Variants in SUMF1 observed in about 807,000 individuals in gnomAD.
SUMF1 encodes the protein sulfatase modifying factor 1.
In SUMF1, 48 loss-of-function variants were observed where a neutral mutation model predicts 47.6. That is an observed-to-expected ratio of 1.01 (90% CI 0.80 to 1.28). The LOEUF is 1.28. SUMF1 is among the 50% of genes most tolerant of loss of function. SUMF1 has a pLI of 0.00. For missense variants in SUMF1, 571 were observed against 485.4 expected (o/e 1.18, Z -1.66); for synonymous variants, 230 against 192.1 (o/e 1.20, Z -1.63).
At chr3:4,099,075 G>A (rs1692971933) in intron 8 of SUMF1, among the ~76,000 whole-genome samples, 1 of 152,062 alleles carries the variant, frequency 6.6e-6, no homozygotes, top group South Asian at 2.1e-4. Flanking sequence ...TTATGAGATG[G>A]CATAAAAAGA....
chr3:4,269,772 A>C (rs1450179517), intron 8 of SUMF1, among the ~76,000 whole-genome samples: 1 of 152,166 alleles, frequency 6.6e-6, no homozygotes, highest in Non-Finnish European at 1.5e-5. Flanking sequence ...TTCAACTACT[A>C]ATGCACAAAA....
downstream of SUMF1, among the ~76,000 whole-genome samples, chr3:4,360,200 TTGTTC>T (rs1211108097): frequency 9.2e-4 from 128 of 139,082 alleles, 1 homozygote; most frequent in African/African-American, 3.5e-3. Flanking sequence ...CTACCAATGT[TTGTTC>T]TTTTTTTTTT....
intron 8 of SUMF1, among the ~76,000 whole-genome samples, chr3:4,213,115 T>C (rs1695836122): frequency 6.6e-6 from 1 of 152,034 alleles, no homozygotes; most frequent in Middle Eastern, 3.2e-3. Flanking sequence ...AATCATCAGA[T>C]TCACCAAGGT....
chr3:4,333,805 G>C (rs1369215996), intron 8 of SUMF1, among the ~76,000 whole-genome samples: 1 of 149,146 alleles, frequency 6.7e-6, no homozygotes, highest in Non-Finnish European at 1.5e-5. Flanking sequence ...AGCCAACAAA[G>C]ATACTAAGCA....
At chr3:4,339,441 T>C (rs1575110529) in intron 8 of SUMF1, among the ~76,000 whole-genome samples, 1 of 152,294 alleles carries the variant, frequency 6.6e-6, no homozygotes, top group East Asian at 1.9e-4. Flanking sequence ...TGGGCTGCAA[T>C]GAAATCTCAA....
chr3:4,140,226 G>A (rs1694041132), intron 8 of SUMF1, among the ~76,000 whole-genome samples: 1 of 152,000 alleles, frequency 6.6e-6, no homozygotes, highest in Admixed American at 6.6e-5. Flanking sequence ...ATAAACCCCT[G>A]ATGCTTCTCC....
intron 7 of SUMF1, among the ~76,000 whole-genome samples, chr3:4,408,576 C>T (rs995592944): frequency 6.6e-6 from 1 of 152,100 alleles, no homozygotes; most frequent in Non-Finnish European, 1.5e-5. Context: ...ATCTGTACTC[C>T]CAGCACTTTA....
At chr3:4,254,920 C>T (rs1293896344) in intron 8 of SUMF1, among the ~76,000 whole-genome samples, 1 of 152,128 alleles carries the variant, frequency 6.6e-6, no homozygotes, top group East Asian at 1.9e-4. Context: ...GATCTCTTGG[C>T]AGAAACCCTA....
chr3:4,250,029 C>A (rs1482489435), intron 8 of SUMF1, among the ~76,000 whole-genome samples: 1 of 151,942 alleles, frequency 6.6e-6, no homozygotes, highest in Non-Finnish European at 1.5e-5. Context: ...ACTAAAAATA[C>A]AAAAATTAGC....
chr3:4,192,378 C>A (rs1695335228), intron 8 of SUMF1, among the ~76,000 whole-genome samples: 2 of 152,086 alleles, frequency 1.3e-5, no homozygotes, highest in Admixed American at 1.3e-4. Flanking sequence ...CAAATTATTT[C>A]TAAGGCAACC....
intron 8 of SUMF1, among the ~76,000 whole-genome samples, chr3:4,250,418 A>G (rs79227009): frequency 1.3e-5 from 2 of 152,264 alleles, no homozygotes; most frequent in East Asian, 1.9e-4. Context: ...CCTGAACATG[A>G]AAGTGCAAGG....
chr3:4,226,750 C>G (rs916407160), intron 8 of SUMF1, among the ~76,000 whole-genome samples: 12 of 152,162 alleles, frequency 7.9e-5, no homozygotes, highest in African/African-American at 2.2e-4. Flanking sequence ...CAACCTGGCT[C>G]AAGTGCTCTT....
chr3:4,102,227 T>C (rs1004607332), intron 8 of SUMF1, among the ~76,000 whole-genome samples: 3 of 152,164 alleles, frequency 2.0e-5, no homozygotes, highest in Non-Finnish European at 2.9e-5. Flanking sequence ...ATTAAATCTA[T>C]ACAAAGACCT....
chr3:4,222,492 TG>T (rs1696088080), intron 8 of SUMF1, among the ~76,000 whole-genome samples: 1 of 152,106 alleles, frequency 6.6e-6, no homozygotes. Context: ...ATTCAATCGC[TG>T]GTACCCTCAA....
In SUMF1 at chr3:4,067,005, G is replaced by A. The variant is rs7430181; in HGVS notation, c.1191+1564C>T. On this transcript the variant is annotated intron_variant and NMD_transcript_variant, in intron 9 of 12. Coordinates refer to the SUMF1 transcript ENST00000448413. The stretch of plus-strand genomic sequence containing the variant: ...CTTGATTTATGAAGGGCCTGAATTC[G>A]TTAGGGGATAACCTCATTATCCCCT... Among the ~76,000 whole-genome samples the A allele has an allele frequency of 2.7e-3, 415 of 152,224 alleles. 1 individual carries two copies. Among genetic ancestry groups the A allele is most frequent in the Non-Finnish European group, 5.1e-3 (349 of 68,018 alleles).
At chr3:4,296,190 C>T (rs1339899025) in intron 8 of SUMF1, among the ~76,000 whole-genome samples, 1 of 150,978 alleles carries the variant, frequency 6.6e-6, no homozygotes, top group Admixed American at 6.6e-5. Flanking sequence ...TATTATTATC[C>T]CTTCCACCAG....
At chr3:4,131,489 C>T (rs1052319513) in intron 8 of SUMF1, among the ~76,000 whole-genome samples, 1 of 152,176 alleles carries the variant, frequency 6.6e-6, no homozygotes, top group Non-Finnish European at 1.5e-5. Context: ...CTAGGACATC[C>T]CTGAAGCACA....
chr3:4,383,360 C>A (rs1408926654), intron 7 of SUMF1, among the ~76,000 whole-genome samples: 1 of 152,042 alleles, frequency 6.6e-6, no homozygotes, highest in Non-Finnish European at 1.5e-5. Context: ...GCCTGGGCGA[C>A]AGAGCAAGAT....
chr3:4,253,416 G>A (rs368975131), intron 8 of SUMF1, among the ~76,000 whole-genome samples: 2 of 152,198 alleles, frequency 1.3e-5, no homozygotes, highest in South Asian at 2.1e-4. Context: ...CACCGTGCAC[G>A]AGCGGAAGCA....
Sources: allele counts gnomAD v4.1 joint callset (sites outside exome capture counted in the v4.1 genomes callset), GRCh38; gene constraint gnomAD v4.1.1; transcripts MANE v1.5; gene names NCBI Gene and HGNC (gene_info 2026-07-23, HGNC 2026-07-21).